Variants in RAB7A observed in about 807,000 individuals in gnomAD.
The protein encoded by RAB7A is RAB7A, member RAS oncogene family, also known as ras-related protein Rab-7a.
In RAB7A, 2 loss-of-function variants were observed where a neutral mutation model predicts 24.5. The ratio of observed to expected loss-of-function variants is 0.08; its 90% CI spans 0.03 to 0.26. The LOEUF (loss-of-function observed/expected upper bound fraction) is 0.26, where lower values mean the gene tolerates loss of function less well. Among genes scored for constraint, RAB7A ranks in the 10% least tolerant of loss-of-function variants. The pLI, the probability that RAB7A is intolerant of heterozygous loss-of-function variation, is 1.00. For synonymous variants in RAB7A, 100 were observed against 95.9 expected (o/e 1.04, Z -0.25); for missense variants, 118 against 255.7 (o/e 0.46, Z 3.67).
chr3:128,745,057 G>C (rs67888795), intron 1 of RAB7A, among the ~76,000 whole-genome samples: 32,780 of 151,596 alleles, frequency 0.22, 5,045 homozygotes, highest in African/African-American at 0.43. Context: ...TGTATTTTTA[G>C]TAGAGACAGG....
At chr3:128,808,046 T>C (rs565774520) in intron 5 of RAB7A, among the ~76,000 whole-genome samples, 1 of 152,250 alleles carries the variant, frequency 6.6e-6, no homozygotes, top group South Asian at 2.1e-4. Context: ...CCAATCGTTA[T>C]ATCTAGTTTG....
intron 1 of RAB7A, among the ~76,000 whole-genome samples, chr3:128,775,121 A>C (rs563490643): frequency 3.3e-5 from 5 of 152,284 alleles, no homozygotes; most frequent in Admixed American, 1.3e-4. Context: ...ATGTATGAGG[A>C]GTGGGCCACT....
chr3:128,813,425 G>T lies in RAB7A; in HGVS notation c.*3G>T. On this transcript the variant is annotated 3_prime_UTR_variant, in exon 6 of 6. Coordinates refer to ENST00000265062, the MANE Select transcript of RAB7A (RefSeq NM_004637.6). ...CGGCAGAAAGCTGCAGTTGCTGAGG[G>T]GGCAGTGAGAGTTGAGCACAGAGTC... The T allele has an allele frequency of 6.2e-7, 1 of 1,613,584 alleles. No homozygotes were observed. The highest frequency in any genetic ancestry group is 8.5e-7 in the Non-Finnish European group (1 of 1,179,624).
At chr3:128,737,828 T>TTTG in intron 1 of RAB7A, among the ~76,000 whole-genome samples, 1 of 65,756 alleles carries the variant, frequency 1.5e-5, no homozygotes, top group Non-Finnish European at 3.2e-5. Flanking sequence ...TTTTGTAGTT[T>TTTG]TTTTTTTTTT....
In RAB7A at chr3:128,814,024, A is replaced by G. The variant is rs1933985754; in HGVS notation, c.*602A>G. 1 of 160,246 alleles carries G rather than the reference A, an allele frequency of 6.2e-6. No homozygotes were observed. Among genetic ancestry groups the G allele is most frequent in the South Asian group, 1.7e-4 (1 of 5,902 alleles). The allele number at this position is 160,246 out of a possible 1,614,324, so 9.9% of individuals were successfully genotyped here. On this transcript the variant is annotated 3_prime_UTR_variant, in exon 6 of 6. Coordinates refer to ENST00000265062, the MANE Select transcript of RAB7A (RefSeq NM_004637.6). ...TTTTACAGTATCCATTTATTATGTA[A>G]TGCTTCTTAGAAAAGAATCTTATAG...
chr3:128,783,875 C>T (rs749243657), intron 1 of RAB7A, among the ~76,000 whole-genome samples: 4 of 152,192 alleles, frequency 2.6e-5, no homozygotes, highest in Admixed American at 2.6e-4. Flanking sequence ...AGGCATTGCA[C>T]GTTCAGCTGT....
intron 1 of RAB7A, among the ~76,000 whole-genome samples, chr3:128,735,126 T>C (rs1433754476): frequency 6.6e-6 from 1 of 152,206 alleles, no homozygotes; most frequent in Non-Finnish European, 1.5e-5. Flanking sequence ...TGGAGAATTA[T>C]TCAGGAATAA....
chr3:128,779,540 T>C (rs1161133360), intron 1 of RAB7A, among the ~76,000 whole-genome samples: 1 of 140,472 alleles, frequency 7.1e-6, no homozygotes, highest in Non-Finnish European at 1.5e-5. Flanking sequence ...CATGCAGCAA[T>C]GCTGAGACAC....
intron 1 of RAB7A, among the ~76,000 whole-genome samples, chr3:128,762,495 C>T (rs188017559): frequency 7.0e-4 from 106 of 152,232 alleles, no homozygotes; most frequent in Admixed American, 9.8e-4. Context: ...TACTTCCCAC[C>T]GTGACCCTCA....
intron 1 of RAB7A, among the ~76,000 whole-genome samples, chr3:128,788,982 G>A (rs1026689505): frequency 1.3e-5 from 2 of 152,184 alleles, no homozygotes; most frequent in African/African-American, 2.4e-5. Flanking sequence ...GAGAAACATT[G>A]TACTTGAAAG....
rs997678155 is a variant in RAB7A at position 128,787,276 on chromosome 3, T to C, written c.-8-8084T>C. On this transcript the variant is annotated intron_variant, in intron 1 of 5. Coordinates refer to ENST00000265062, the MANE Select transcript of RAB7A (RefSeq NM_004637.6). ...ATTAATTGGTTTAACTGTCATGGCT[T>C]TGTTGAACCTTTAGCATTTGTTCAA... Among the ~76,000 whole-genome samples, 7 of 152,384 alleles carry C rather than the reference T, an allele frequency of 4.6e-5. No individual in the cohort carries two copies. In the East Asian group the frequency reaches 1.3e-3, roughly 29 times the overall value.
intron 3 of RAB7A, among the ~76,000 whole-genome samples, chr3:128,804,388 C>A (rs1280934732): frequency 6.6e-6 from 1 of 152,232 alleles, no homozygotes; most frequent in Admixed American, 6.5e-5. Context: ...TTTTGCAGTG[C>A]TAGCTCACTA....
intron 1 of RAB7A, among the ~76,000 whole-genome samples, chr3:128,763,208 A>ATATATTTTT (rs373993932): frequency 5.3e-5 from 4 of 76,060 alleles, no homozygotes; most frequent in African/African-American, 3.3e-4. Context: ...ATATATATAT[A>ATATATTTTT]TTTTTTTTTT....
chr3:128,731,759 G>A (rs894244140), intron 1 of RAB7A, among the ~76,000 whole-genome samples: 1 of 152,056 alleles, frequency 6.6e-6, no homozygotes, highest in Non-Finnish European at 1.5e-5. Flanking sequence ...TGTAATCCCA[G>A]CACTTTGGGA....
At chr3:128,801,684 T>G (rs919529055) in intron 3 of RAB7A, among the ~76,000 whole-genome samples, 2 of 151,526 alleles carry the variant, frequency 1.3e-5, no homozygotes, top group Admixed American at 6.6e-5. Flanking sequence ...ATGAAAGAAA[T>G]AAGTGAAAGT....
At chr3:128,803,672 A>G (rs1354607461) in intron 3 of RAB7A, among the ~76,000 whole-genome samples, 1 of 152,206 alleles carries the variant, frequency 6.6e-6, no homozygotes, top group African/African-American at 2.4e-5. Flanking sequence ...CTGGGGAACT[A>G]AGTGAGTCTA....
chr3:128,788,449 T>A (rs1031851291), intron 1 of RAB7A, among the ~76,000 whole-genome samples: 13 of 123,384 alleles, frequency 1.1e-4, no homozygotes, highest in Admixed American at 8.6e-4. Flanking sequence ...GATGAGTGGT[T>A]AGTTACAATG....
At chr3:128,785,943 G>A (rs977488304) in intron 1 of RAB7A, among the ~76,000 whole-genome samples, 3 of 151,946 alleles carry the variant, frequency 2.0e-5, no homozygotes, top group Non-Finnish European at 4.4e-5. Context: ...ACAGACTGAC[G>A]GCCTACTTCC....
chr3:128,737,597 C>T (rs1167582885), intron 1 of RAB7A, among the ~76,000 whole-genome samples: 1 of 151,530 alleles, frequency 6.6e-6, no homozygotes, highest in Non-Finnish European at 1.5e-5. Context: ...CTGCTTGCCT[C>T]AGCCTCCCAA....
Sources: gnomAD v4.1 joint callset for allele counts (sites outside exome capture counted in the v4.1 genomes callset) on GRCh38, gnomAD v4.1.1 for gene constraint, MANE v1.5 for transcripts, NCBI Gene and HGNC (gene_info 2026-07-23, HGNC 2026-07-21) for gene names.